Variants in RBFOX1 observed in about 807,000 individuals in gnomAD.
The protein encoded by RBFOX1 is RNA binding fox-1 homolog 1.
A neutral mutation model predicts 57.7 loss-of-function variants in RBFOX1; 8 were observed. The observed-to-expected ratio is 0.14, with a 90% CI of 0.08 to 0.25. The LOEUF (loss-of-function observed/expected upper bound fraction) is 0.25, where lower values mean the gene tolerates loss of function less well. Ranked by LOEUF, RBFOX1 falls within the 10% of genes least tolerant of loss-of-function variation. The probability of loss-of-function intolerance (pLI) is 1.00; values close to 1 mark genes in which losing one functional copy is unlikely to be tolerated. For synonymous variants in RBFOX1, 326 were observed against 222.4 expected, an observed-to-expected ratio of 1.47 and a Z score of -4.15; for missense variants, 611 against 548.5, an observed-to-expected ratio of 1.11 and a Z score of -1.14.
intron 2 of RBFOX1, among the ~76,000 whole-genome samples, chr16:5,564,483 A>G (rs2045993713): frequency 6.6e-6 from 1 of 152,172 alleles, no homozygotes. Context: ...TGGTCTAATA[A>G]GAAACCCTCC....
intron 3 of RBFOX1, among the ~76,000 whole-genome samples, chr16:5,763,590 A>T (rs932857573): frequency 1.3e-5 from 2 of 152,228 alleles, no homozygotes; most frequent in African/African-American, 4.8e-5. Flanking sequence ...TTTTATTTTT[A>T]AAAATTGCTG....
intron 2 of RBFOX1, among the ~76,000 whole-genome samples, chr16:6,345,936 G>C (rs140561626): frequency 6.6e-6 from 1 of 152,140 alleles, no homozygotes; most frequent in African/African-American, 2.4e-5. Context: ...AGGACAACTC[G>C]AAACAAAGGC....
At chr16:6,258,040 A>G (rs1436484028) in intron 1 of RBFOX1, among the ~76,000 whole-genome samples, 1 of 152,188 alleles carries the variant, frequency 6.6e-6, no homozygotes, top group Non-Finnish European at 1.5e-5. Flanking sequence ...CACTCCCACC[A>G]ACAGTGTGTA....
chr16:7,655,156 T>C lies in RBFOX1; in HGVS notation c.890+1209T>C, dbSNP rs561038077. On this transcript the variant is annotated intron_variant, in intron 12 of 15. Coordinates refer to ENST00000550418, the MANE Select transcript of RBFOX1 (RefSeq NM_018723.4). ...TACTCATGACAAAAAGAAACACTTT[T>C]TTTCATTACATATTCATTCTAAACC... Among the ~76,000 whole-genome samples, 55 of 152,334 alleles carry C rather than the reference T, an allele frequency of 3.6e-4. No individual in the cohort carries two copies. In the South Asian group the frequency reaches 0.01, roughly 29 times the overall value.
chr16:5,548,173 AAATATATATAT>A (rs1286646422), intron 2 of RBFOX1, among the ~76,000 whole-genome samples: 17 of 33,422 alleles, frequency 5.1e-4, no homozygotes, highest in African/African-American at 1.4e-3. Flanking sequence ...AAAAAAAAAA[AAATATATATAT>A]ATATATATAT....
chr16:7,021,379 A>T (rs995981529), intron 3 of RBFOX1, among the ~76,000 whole-genome samples: 2 of 146,574 alleles, frequency 1.4e-5, no homozygotes, highest in African/African-American at 4.9e-5. Context: ...TATATATTTT[A>T]AAATATTTTT....
intron 3 of RBFOX1, among the ~76,000 whole-genome samples, chr16:5,694,325 T>G (rs2050783774): frequency 6.6e-6 from 1 of 152,208 alleles, no homozygotes; most frequent in Admixed American, 6.5e-5. Context: ...ACCTTGTCAT[T>G]ATAGAGCTAC....
chr16:6,590,460 G>C (rs1600791689), intron 2 of RBFOX1, among the ~76,000 whole-genome samples: 1 of 152,110 alleles, frequency 6.6e-6, no homozygotes, highest in African/African-American at 2.4e-5. Context: ...TTACACAGTA[G>C]CAGGCCTGTA....
At chr16:5,856,490 C>G (rs1202380970) in intron 3 of RBFOX1, among the ~76,000 whole-genome samples, 1 of 133,058 alleles carries the variant, frequency 7.5e-6, no homozygotes, top group Non-Finnish European at 1.6e-5. Flanking sequence ...TCCTACGTAA[C>G]TGAAATTTTG....
intron 4 of RBFOX1, among the ~76,000 whole-genome samples, chr16:7,263,265 C>G (rs1331359003): frequency 6.6e-6 from 1 of 152,178 alleles, no homozygotes. Context: ...CCTTAGTACC[C>G]AGGAAGCACA....
chr16:6,926,361 T>A (rs552885955), intron 3 of RBFOX1, among the ~76,000 whole-genome samples: 1 of 152,202 alleles, frequency 6.6e-6, no homozygotes, highest in Admixed American at 6.5e-5. Flanking sequence ...TACACAGAGT[T>A]GTGCAACAGG....
intron 2 of RBFOX1, among the ~76,000 whole-genome samples, chr16:6,418,062 G>A (rs1188079072): frequency 6.6e-6 from 1 of 152,202 alleles, no homozygotes; most frequent in Non-Finnish European, 1.5e-5. Flanking sequence ...AACCCAGAGG[G>A]TTCCCTCAGG....
At chr16:7,162,134 C>T (rs1047384820) in intron 4 of RBFOX1, among the ~76,000 whole-genome samples, 2 of 152,144 alleles carry the variant, frequency 1.3e-5, no homozygotes, top group Admixed American at 1.3e-4. Flanking sequence ...AAGAGACGTG[C>T]CAGGGAAGCC....
intron 4 of RBFOX1, among the ~76,000 whole-genome samples, chr16:7,223,198 G>T (rs908592191): frequency 1.3e-5 from 2 of 152,242 alleles, no homozygotes; most frequent in Non-Finnish European, 2.9e-5. Context: ...GCTTATGGCA[G>T]TGTCAGCCTA....
rs2095030712 is a variant in RBFOX1, at chr16:6,019,760, C to G, written c.-359C>G. 6.8e-5 allele frequency: 96 copies of G among 1,403,366 alleles called. No homozygotes were observed. The highest frequency in any genetic ancestry group is 8.3e-5 in the Non-Finnish European group (89 of 1,078,188). The allele number at this position is 1,403,366 out of a possible 1,614,324, so 86.9% of individuals were successfully genotyped here. On this transcript the variant is annotated 5_prime_UTR_variant, in exon 1 of 16. Coordinates refer to ENST00000550418, the MANE Select transcript of RBFOX1 (RefSeq NM_018723.4). This position sits in a 1 kb window ranked among gnomAD's most constrained non-coding sequence, Gnocchi z 4.2. ...TTGAGAGTCCTTGCGCTCCAGACCC[C>G]CACCCAGTGGCCGCCAGGGTCCCCG...
intron 3 of RBFOX1, among the ~76,000 whole-genome samples, chr16:6,774,501 G>T (rs913060307): frequency 1.2e-3 from 180 of 152,204 alleles, no homozygotes; most frequent in African/African-American, 4.2e-3. Flanking sequence ...CATGAATTCT[G>T]ATAGTCATTG....
At chr16:5,683,233 CG>C in intron 3 of RBFOX1, among the ~76,000 whole-genome samples, 1 of 152,130 alleles carries the variant, frequency 6.6e-6, no homozygotes, top group East Asian at 1.9e-4. Flanking sequence ...GGGAAGCCTT[CG>C]AAAAATAGTA....
intron 2 of RBFOX1, among the ~76,000 whole-genome samples, chr16:6,600,688 T>C (rs143974796): frequency 3.9e-5 from 6 of 152,118 alleles, no homozygotes; most frequent in Non-Finnish European, 5.9e-5. Context: ...GAATTACAAG[T>C]TTATAGATTT....
chr16:6,800,942 G>C (rs2085290756), intron 3 of RBFOX1, among the ~76,000 whole-genome samples: 1 of 152,094 alleles, frequency 6.6e-6, no homozygotes, highest in African/African-American at 2.4e-5. Flanking sequence ...GCCCCTGTTT[G>C]AGTATCTCTC....
Sources: gnomAD v4.1 joint callset for allele counts (sites outside exome capture counted in the v4.1 genomes callset) on GRCh38, gnomAD v4.1.1 for gene constraint, Gnocchi (gnomAD v3.1) non-coding constraint, MANE v1.5 for transcripts, NCBI Gene and HGNC (gene_info 2026-07-23, HGNC 2026-07-21) for gene names.